Variants in DSG2 observed in about 807,000 individuals in gnomAD.
The protein encoded by DSG2 is desmoglein-2.
DSG2 carries 45 observed loss-of-function variants against 75.6 expected under a neutral mutation model. The observed-to-expected ratio is 0.60, with a 90% CI of 0.47 to 0.76. DSG2 has a LOEUF of 0.76. DSG2 is among the 30% of genes least tolerant of loss of function. The pLI, the probability that DSG2 is intolerant of heterozygous loss-of-function variation, is 0.00. For missense variants in DSG2, 1,267 were observed against 1,357.4 expected (o/e 0.93, Z 1.05); for synonymous variants, 429 against 483.9 (o/e 0.89, Z 1.49).
chr18:31,524,403 G>C (rs1213375869), intron 6 of DSG2, 45 bp from the exon 7 acceptor site: 2 of 1,613,704 alleles, frequency 1.2e-6, no homozygotes, highest in African/African-American at 2.7e-5. Context: ...CCAGATGTAA[G>C]AGTGACTCTT....
At chr18:31,509,813 C>T (rs989750218) in intron 1 of DSG2, among the ~76,000 whole-genome samples, 4 of 152,136 alleles carry the variant, frequency 2.6e-5, no homozygotes, top group African/African-American at 4.8e-5. Context: ...TGGCTATGGA[C>T]GCTACTACAG....
Position 31,521,361 on chromosome 18 carries a change from T to C in DSG2, c.523+118T>C, listed in dbSNP as rs1249348217. 5 of 1,118,316 alleles carry C rather than the reference T, an allele frequency of 4.5e-6. No homozygotes were observed. In the Admixed American group the frequency reaches 9.7e-5, roughly 22 times the overall value. 69.3% of individuals were successfully genotyped at this position (1,118,316 alleles called of 1,614,324 possible). On this transcript the variant is annotated intron_variant, in intron 5 of 14. Coordinates refer to ENST00000261590, the MANE Select transcript of DSG2 (RefSeq NM_001943.5). ...AGTTGAGTATTACCTACAGAACAAATGATAAGAAAGCAGTTCAGAACTGCT... is the reference window on the plus strand; with the variant it reads ...AGTTGAGTATTACCTACAGAACAAACGATAAGAAAGCAGTTCAGAACTGCT...
At chr18:31,500,845 A>T (rs1170004569) in intron 1 of DSG2, among the ~76,000 whole-genome samples, 1 of 152,222 alleles carries the variant, frequency 6.6e-6, no homozygotes, top group African/African-American at 2.4e-5. Context: ...AATGGTTCAC[A>T]GATAGAATTC....
In DSG2 at chr18:31,524,744, T is replaced by TA. The variant is rs759944835; in HGVS notation, c.871dup (p.Thr291AsnfsTer10). On this transcript the variant is annotated frameshift_variant, in exon 8 of 15. Transcript: ENST00000261590. LOFTEE classifies it high-confidence loss of function. ...AAGAAAATCAAGTCAACGTAGAAGTTACGCGCATAAAAGTGTTCGATGCAG... is the reference window on the plus strand; with the variant it reads ...AAGAAAATCAAGTCAACGTAGAAGTTAACGCGCATAAAAGTGTTCGATGCAG... 3.1e-6 allele frequency: 5 copies of TA among 1,614,204 alleles called. No homozygotes were observed. The highest frequency in any genetic ancestry group is 2.2e-5 in the East Asian group (1 of 44,876).
At chr18:31,498,339 G>A (rs1219387859) in intron 1 of DSG2, 43 bp downstream of exon 1, 2 of 1,250,768 alleles carry the variant, frequency 1.6e-6, no homozygotes, top group Non-Finnish European at 2.0e-6. Context: ...GCCGGGGAGG[G>A]CGTCGGTAGG....
intron 1 of DSG2, among the ~76,000 whole-genome samples, chr18:31,503,966 A>T (rs2073026612): frequency 6.6e-6 from 1 of 152,228 alleles, no homozygotes; most frequent in Admixed American, 6.5e-5. Flanking sequence ...TAGCACCCAC[A>T]TTGAGAAACA....
At chr18:31,520,721 A>G (rs758599412) in intron 3 of DSG2, 82 bp from the exon 4 acceptor site, 5 of 1,411,450 alleles carry the variant, frequency 3.5e-6, no homozygotes, top group African/African-American at 1.4e-5. Flanking sequence ...ATAGAGAATC[A>G]CTTCTTAGGC....
At chr18:31,513,009 C>T (rs1388470312) in intron 1 of DSG2, among the ~76,000 whole-genome samples, 4 of 152,162 alleles carry the variant, frequency 2.6e-5, no homozygotes, top group Non-Finnish European at 5.9e-5. Context: ...CTCATAAATT[C>T]TGTTTATTGA....
rs1330587476 is a variant in DSG2 at position 31,541,195 on chromosome 18, G to A, written c.1882G>A (p.Val628Ile). The change falls in exon 13 of 15, where the codon GTA becomes ATA. Residue 628 changes from valine (V) to isoleucine (I), a missense_variant and splice_region_variant. Val to Ile is a conservative substitution (Grantham distance 29, BLOSUM62 3). Coordinates refer to ENST00000261590, the MANE Select transcript of DSG2 (RefSeq NM_001943.5). The part of the protein sequence containing the change: ...MILAFLLLLL[V>I]PLLLLMCHCG... ...TGTTCAATTTTGTGTCTGTACAGTG[G>A]TACCACTTTTACTGCTGATGTGCCA... The A allele has an allele frequency of 1.2e-6, 2 of 1,614,124 alleles. No homozygotes were observed. The highest frequency in any genetic ancestry group is 1.7e-6 in the Non-Finnish European group (2 of 1,179,988).
chr18:31,535,993 C>T (rs2073227675), intron 10 of DSG2, among the ~76,000 whole-genome samples: 2 of 152,022 alleles, frequency 1.3e-5, no homozygotes, highest in Non-Finnish European at 2.9e-5. Flanking sequence ...GAAATAAGCA[C>T]CTAATTTCTC....
At chr18:31,517,281 G>T (rs1281586970) in intron 1 of DSG2, among the ~76,000 whole-genome samples, 2 of 152,150 alleles carry the variant, frequency 1.3e-5, no homozygotes, top group East Asian at 3.8e-4. Context: ...GTGGGGAGGT[G>T]GGGGAAGAAA....
At chr18:31,529,172 A>G (rs16962066) in intron 8 of DSG2, among the ~76,000 whole-genome samples, 1 of 152,178 alleles carries the variant, frequency 6.6e-6, no homozygotes, top group Non-Finnish European at 1.5e-5. Context: ...CAAAAATGGA[A>G]ATGATAAAAT....
In DSG2 at chr18:31,524,463, A is replaced by G. The variant is rs727502985; in HGVS notation, c.706A>G (p.Thr236Ala). 50 of 1,614,186 alleles carry G rather than the reference A, an allele frequency of 3.1e-5. No individual in the cohort carries two copies. The East Asian group carries it at 1.0e-3, about 34-fold the overall frequency. Reference protein sequence around the residue: ...TLDREEHSSYTLTVEARDGNG... With the variant: ...TLDREEHSSYALTVEARDGNG... ...TGCTCTGCAGGAACACAGCAGCTAC[A>G]CTTTGACAGTAGAAGCAAGAGATGG... Residue 236 changes from threonine (T) to alanine (A), a missense_variant, in exon 7 of 15, where the codon ACT (threonine) becomes GCT (alanine). Physicochemically the swap from Thr to Ala is moderately conservative, Grantham distance 58. Transcript: ENST00000261590.
intron 8 of DSG2, among the ~76,000 whole-genome samples, chr18:31,527,428 A>G (rs1442522067): frequency 6.6e-6 from 1 of 152,226 alleles, no homozygotes; most frequent in Non-Finnish European, 1.5e-5. Context: ...AGCACAAAAA[A>G]AGGGATATAG....
rs2073248446 is a variant in DSG2, at chr18:31,538,867, G to C, written c.1768G>C (p.Val590Leu). Residue 590 changes from valine (V) to leucine (L), a missense_variant, in exon 12 of 15, where the codon GTT becomes CTT. By Grantham distance (32) the Val-to-Leu change is conservative (BLOSUM62 1). Coordinates refer to ENST00000261590, the MANE Select transcript of DSG2 (RefSeq NM_001943.5). ...CPEKQVLTLT[V>L]CECLHGSGCR... is the part of the protein sequence containing the mutation. The stretch of plus-strand genomic sequence containing the variant: ...TGAAAAGCAGGTCCTTACACTCACA[G>C]TTTGTGAGTGTCTGCATGGCAGCGG... The C allele has an allele frequency of 1.9e-6, 3 of 1,614,034 alleles. No individual in the cohort carries two copies. The South Asian group carries it at 3.3e-5, about 18-fold the overall frequency.
At chr18:31,530,417 A>G (rs1239442461) in intron 8 of DSG2, among the ~76,000 whole-genome samples, 2 of 152,096 alleles carry the variant, frequency 1.3e-5, no homozygotes, top group Admixed American at 6.5e-5. Flanking sequence ...ATCTATAGAT[A>G]TGTGTGTGTG....
chr18:31,545,692 G>GTGTT (rs761764923), intron 14 of DSG2, 29 bp from the exon 15 acceptor site: 2 of 1,607,926 alleles, frequency 1.2e-6, no homozygotes, highest in South Asian at 1.1e-5. Context: ...TGTCTGTTTT[G>GTGTT]TGTTTGTTTT....
At chr18:31,529,852 C>A (rs1302120621) in intron 8 of DSG2, among the ~76,000 whole-genome samples, 1 of 151,934 alleles carries the variant, frequency 6.6e-6, no homozygotes, top group Non-Finnish European at 1.5e-5. Flanking sequence ...GGATATAGGT[C>A]AACAGAGGAA....
intron 1 of DSG2, among the ~76,000 whole-genome samples, chr18:31,511,056 TC>T (rs922774982): frequency 6.6e-6 from 1 of 152,136 alleles, no homozygotes; most frequent in African/African-American, 2.4e-5. Context: ...TTCTGCTTGT[TC>T]CAGTCATGTT....
Sources: allele counts gnomAD v4.1 joint callset (sites outside exome capture counted in the v4.1 genomes callset), GRCh38; gene constraint gnomAD v4.1.1; transcripts MANE v1.5; gene names NCBI Gene and HGNC (gene_info 2026-07-23, HGNC 2026-07-21).